CELSR1: variants seen among roughly 807,000 people sequenced by gnomAD.
CELSR1 encodes adhesion G protein-coupled receptor C1.
CELSR1 carries 110 observed loss-of-function variants against 249.1 expected under a neutral mutation model. The ratio of observed to expected loss-of-function variants is 0.44; its 90% CI spans 0.38 to 0.52. The LOEUF (loss-of-function observed/expected upper bound fraction) is 0.52, where lower values mean the gene tolerates loss of function less well. Ranked by LOEUF, CELSR1 falls within the 20% of genes least tolerant of loss-of-function variation. The pLI, the probability that CELSR1 is intolerant of heterozygous loss-of-function variation, is 0.00. For missense variants in CELSR1, 4,109 were observed against 4,296.4 expected (o/e 0.96, Z 1.22); for synonymous variants, 2,113 against 1,900.0 (o/e 1.11, Z -2.92).
Position 46,473,804 on chromosome 22 carries a change from C to G in CELSR1, c.3545-9459G>C, listed in dbSNP as rs571587948. 9.8e-5 allele frequency among the ~76,000 whole-genome samples: 15 copies of G among 152,296 alleles called. No individual in the cohort carries two copies. The South Asian group carries it at 3.1e-3, about 32-fold the overall frequency. Reference sequence around the variant, plus strand: ...CTTTGAAGTGGCTGTGTGCGTCTCTCTCTCTTCTGGGTTTGTTTTGTTTTG... The same window carrying G: ...CTTTGAAGTGGCTGTGTGCGTCTCTGTCTCTTCTGGGTTTGTTTTGTTTTG... On this transcript the variant is annotated intron_variant, in intron 1 of 34. Coordinates refer to ENST00000674500, the MANE Select transcript of CELSR1 (RefSeq NM_001378328.1). The surrounding 1 kb of genome is among the most constrained non-coding windows in gnomAD (Gnocchi z 6.6).
At position 46,380,307 on chromosome 22, in the gene CELSR1, G is replaced by T. The variant is rs2078963476; in HGVS notation, c.7256+481C>A. Among the ~76,000 whole-genome samples, 1 of 152,224 alleles carries T rather than the reference G, an allele frequency of 6.6e-6. No individual in the cohort carries two copies. On this transcript the variant is annotated intron_variant, in intron 22 of 34. Coordinates refer to ENST00000674500, the MANE Select transcript of CELSR1 (RefSeq NM_001378328.1). This position sits in a 1 kb window ranked among gnomAD's most constrained non-coding sequence, Gnocchi z 5.1. ...ATAAACTGTGCTGCGGCCAGGTGTG[G>T]CCTCTTGGGGGTGAAGCCAGTCCCC...
In CELSR1 at chr22:46,374,706, C is replaced by T. The variant is rs1244758093; in HGVS notation, c.7585-1649G>A. Reference sequence around the variant, plus strand: ...CACCGACTCCCCTCTCCCCCATTCACGCCACTCAAAAGCACACTAGAGGGG... The same window carrying T: ...CACCGACTCCCCTCTCCCCCATTCATGCCACTCAAAAGCACACTAGAGGGG... On this transcript the variant is annotated intron_variant, in intron 24 of 34. Coordinates refer to ENST00000674500, the MANE Select transcript of CELSR1 (RefSeq NM_001378328.1). The surrounding 1 kb of genome is among the most constrained non-coding windows in gnomAD (Gnocchi z 4.3). Among the ~76,000 whole-genome samples, 3 of 152,216 alleles carry T rather than the reference C, an allele frequency of 2.0e-5. No homozygotes were observed. Among genetic ancestry groups the T allele is most frequent in the Admixed American group, 1.3e-4 (2 of 15,280 alleles).
In CELSR1 at chr22:46,393,956, C is replaced by T. The variant is rs1260856416; in HGVS notation, c.5964+186G>A. On this transcript the variant is annotated intron_variant, in intron 14 of 34. Transcript: ENST00000674500. The surrounding 1 kb of genome is among the most constrained non-coding windows in gnomAD (Gnocchi z 4.1). ...GCAGCCATGGAGTATTCACAGAGCA[C>T]GGGGGAGCAGCAAGGAAACCAAAAA... is the stretch of plus-strand genomic sequence containing the variant. Among the ~76,000 whole-genome samples the T allele has an allele frequency of 6.6e-6, 1 of 152,106 alleles. No homozygotes were observed. Among genetic ancestry groups the T allele is most frequent in the Admixed American group, 6.5e-5 (1 of 15,268 alleles).
At position 46,535,746 on chromosome 22, in the gene CELSR1, G is replaced by A. The variant is rs1195106787; in HGVS notation, c.1425C>T (p.Asn475=). Residue 475 remains asparagine (N), a synonymous_variant, in exon 1 of 35, where the codon AAC becomes AAT. Transcript: ENST00000674500. The part of the protein sequence containing the change: ...VVQVPEDVGL[N]TAVLRVQATD... ...TGGCCTGCACTCGCAGCACAGCCGT[G>A]TTGAGCCCCACGTCCTCGGGCACCT... 1 of 1,612,466 alleles carries A rather than the reference G, an allele frequency of 6.2e-7. No homozygotes were observed. The highest frequency in any genetic ancestry group is 8.5e-7 in the Non-Finnish European group (1 of 1,180,020).
rs1339096357 is a variant in CELSR1 at position 46,535,091 on chromosome 22, G to A, written c.2080C>T (p.Leu694Phe). 1.9e-6 allele frequency: 3 copies of A among 1,612,208 alleles called. No individual in the cohort carries two copies. The highest frequency in any genetic ancestry group is 2.5e-6 in the Non-Finnish European group (3 of 1,179,952). Reference protein sequence around the residue: ...DPVFTQPTYELRLNEDAAVGS... With the variant: ...DPVFTQPTYEFRLNEDAAVGS... Reference sequence around the variant, plus strand: ...ACGGCCGCATCCTCATTCAGACGAAGCTCGTAGGTGGGCTGCGTGAACACC... The same window carrying A: ...ACGGCCGCATCCTCATTCAGACGAAACTCGTAGGTGGGCTGCGTGAACACC... The change falls in exon 1 of 35, where the codon CTT becomes TTT. Residue 694 changes from leucine (L) to phenylalanine (F), a missense_variant. This residue lies in a region of CELSR1 where 886 missense variants were observed against 896.5 expected (regional missense o/e 0.99). Coordinates refer to ENST00000674500, the MANE Select transcript of CELSR1 (RefSeq NM_001378328.1).
At position 46,409,236 on chromosome 22, in the gene CELSR1, G is replaced by T; in HGVS notation, c.5060-74C>A. 1 of 1,507,312 alleles carries T rather than the reference G, an allele frequency of 6.6e-7. No homozygotes were observed. The highest frequency in any genetic ancestry group is 9.1e-7 in the Non-Finnish European group (1 of 1,099,282). The allele number at this position is 1,507,312 out of a possible 1,614,324, so 93.4% of individuals were successfully genotyped here. On this transcript the variant is annotated intron_variant, in intron 8 of 34. Transcript: ENST00000674500. This position sits in a 1 kb window ranked among gnomAD's most constrained non-coding sequence, Gnocchi z 9.8. ...CCGCGGACTTGGCTGCAGGGGCGGG[G>T]GATGGGCCTGCAGGCTAGGCCTGGG...
At position 46,386,273 on chromosome 22, in the gene CELSR1, C is replaced by T. The variant is rs2079032374; in HGVS notation, c.6739+129G>A. On this transcript the variant is annotated intron_variant, in intron 19 of 34. Transcript: ENST00000674500. Reference sequence around the variant, plus strand: ...GTATGAGCCACTGTGCCCGGCCTCACAATCATTTTTCTAAGAGCATGGCCA... The same window carrying T: ...GTATGAGCCACTGTGCCCGGCCTCATAATCATTTTTCTAAGAGCATGGCCA... The T allele has an allele frequency of 8.3e-6, 9 of 1,083,194 alleles. No individual in the cohort carries two copies. The South Asian group carries it at 1.7e-4, about 20-fold the overall frequency. 67.1% of individuals were successfully genotyped at this position (1,083,194 alleles called of 1,614,324 possible).
intron 5 of CELSR1, among the ~76,000 whole-genome samples, chr22:46,425,657 T>C (rs1301412638): frequency 6.6e-6 from 1 of 152,188 alleles, no homozygotes; most frequent in African/African-American, 2.4e-5. Flanking sequence ...TGTCTTCTCT[T>C]TTCCTTATCA....
chr22:46,391,919 G>A lies in CELSR1; in HGVS notation c.5965-103C>T. On this transcript the variant is annotated intron_variant, in intron 14 of 34. Transcript: ENST00000674500. This position sits in a 1 kb window ranked among gnomAD's most constrained non-coding sequence, Gnocchi z 4.3. ...CGTCCAGACTCCCACCCGGGTGTGT[G>A]TGTTGGCCGCCAGCCATCCCACCCC... The A allele has an allele frequency of 7.9e-7, 1 of 1,258,190 alleles. No homozygotes were observed. Among genetic ancestry groups the A allele is most frequent in the Non-Finnish European group, 1.1e-6 (1 of 917,732 alleles). 77.9% of individuals were successfully genotyped at this position (1,258,190 alleles called of 1,614,324 possible). A position where few individuals can be genotyped will look rare whatever the true frequency, so the allele number is the denominator to read the frequency against.
At chr22:46,369,324 C>T (rs1053769673) in intron 26 of CELSR1, 66 bp from the exon 27 acceptor site, 33 of 1,384,282 alleles carry the variant, frequency 2.4e-5, no homozygotes, top group African/African-American at 2.1e-4. Context: ...CTGCCAAAAG[C>T]GCCTGAGGCC....
At chr22:46,469,733 C>T (rs929870696) in intron 1 of CELSR1, among the ~76,000 whole-genome samples, 13 of 151,170 alleles carry the variant, frequency 8.6e-5, no homozygotes, top group Non-Finnish European at 1.3e-4. Flanking sequence ...AGGCTGGTCT[C>T]GAACTCCTGA....
chr22:46,481,296 C>T (rs2080263902), intron 1 of CELSR1: 1 of 579,764 alleles, frequency 1.7e-6, no homozygotes, highest in Non-Finnish European at 3.1e-6. Context: ...CATTATTGCC[C>T]TCAGCCCCGA....
At chr22:46,460,379 C>T (rs1401898490) in intron 2 of CELSR1, among the ~76,000 whole-genome samples, 1 of 152,178 alleles carries the variant, frequency 6.6e-6, no homozygotes, top group East Asian at 1.9e-4. Flanking sequence ...CTTCCAGAAC[C>T]TTCTCAGAGC....
intron 27 of CELSR1, 183 bp downstream of exon 27, chr22:46,368,995 TC>T (rs1318679200): frequency 1.0e-5 from 4 of 383,804 alleles, no homozygotes; most frequent in African/African-American, 4.8e-5. Flanking sequence ...TCAGCTAACC[TC>T]CCCCAGCCCC....
intron 5 of CELSR1, among the ~76,000 whole-genome samples, chr22:46,421,034 G>A (rs780566065): frequency 1.3e-5 from 2 of 152,194 alleles, no homozygotes; most frequent in Non-Finnish European, 2.9e-5. Context: ...GCCTAAACCC[G>A]GCCCTCCCAT....
intron 1 of CELSR1, among the ~76,000 whole-genome samples, chr22:46,498,243 C>T (rs1311553766): frequency 1.4e-4 from 9 of 65,414 alleles, no homozygotes; most frequent in African/African-American, 6.3e-4. Context: ...GAGTGAAACT[C>T]TGTCTCAAAA....
At chr22:46,366,934 C>T in intron 29 of CELSR1, 59 bp downstream of exon 29, 1 of 1,556,616 alleles carries the variant, frequency 6.4e-7, no homozygotes, top group Non-Finnish European at 8.7e-7. Flanking sequence ...GATCACCCTC[C>T]CCCGCCCCTC....
At chr22:46,494,235 A>G (rs1398929645) in intron 1 of CELSR1, among the ~76,000 whole-genome samples, 2 of 152,180 alleles carry the variant, frequency 1.3e-5, no homozygotes, top group East Asian at 1.9e-4. Context: ...CAGTGGCTCT[A>G]TAACAAGCCT....
intron 25 of CELSR1, chr22:46,370,066 C>G (rs1346053224): frequency 1.8e-6 from 1 of 562,728 alleles, no homozygotes; most frequent in Admixed American, 2.2e-5. Flanking sequence ...CCGGGGGCTG[C>G]TGAGGAAGAC....
Sources: allele counts gnomAD v4.1 joint callset (sites outside exome capture counted in the v4.1 genomes callset), GRCh38; gene constraint gnomAD v4.1.1; regional missense constraint gnomAD v4.1.1; non-coding constraint Gnocchi (gnomAD v3.1); transcripts MANE v1.5; gene names NCBI Gene and HGNC (gene_info 2026-07-23, HGNC 2026-07-21).